Variants in DLC1 observed in about 807,000 individuals in gnomAD.
DLC1 encodes the protein DLC1 Rho GTPase activating protein, also known as rho GTPase-activating protein 7.
In DLC1, 54 loss-of-function variants were observed where a neutral mutation model predicts 140.3. The observed-to-expected ratio is 0.38, with a 90% CI of 0.31 to 0.48. The LOEUF (loss-of-function observed/expected upper bound fraction) is 0.48. Ranked by LOEUF, DLC1 falls within the 20% of genes least tolerant of loss-of-function variation. The pLI is 0.96. For synonymous variants in DLC1, 986 were observed against 728.1 expected, an observed-to-expected ratio of 1.35 and a Z score of -5.70; for missense variants, 2,536 against 1,907.0, an observed-to-expected ratio of 1.33 and a Z score of -6.14.
At chr8:13,523,595 G>A (rs993463962) in intron 1 of DLC1, among the ~76,000 whole-genome samples, 3 of 152,162 alleles carry the variant, frequency 2.0e-5, no homozygotes, top group African/African-American at 7.2e-5. Context: ...AGATTGACGA[G>A]AGGGTGTGTA....
chr8:13,589,503 T>A (rs1396624440), intron 1 of DLC1, among the ~76,000 whole-genome samples: 6 of 152,008 alleles, frequency 3.9e-5, no homozygotes, highest in Non-Finnish European at 7.4e-5. Flanking sequence ...TTGTGTTGAG[T>A]TCATTTTGCA....
chr8:13,421,321 C>A (rs2117346453), intron 2 of DLC1, among the ~76,000 whole-genome samples: 1 of 152,230 alleles, frequency 6.6e-6, no homozygotes, highest in South Asian at 2.1e-4. Context: ...TGTGTCTCTG[C>A]AACCCCTAAA....
chr8:13,493,461 C>A (rs900963888), intron 2 of DLC1, among the ~76,000 whole-genome samples: 1 of 152,044 alleles, frequency 6.6e-6, no homozygotes. Flanking sequence ...TTATGGGGCA[C>A]ATAGATGATG....
intron 5 of DLC1, among the ~76,000 whole-genome samples, chr8:13,158,749 C>CCCCCA (rs1563120844): frequency 9.8e-5 from 10 of 102,382 alleles, no homozygotes; most frequent in Non-Finnish European, 1.6e-4. Context: ...CCCCCCCCCG[C>CCCCCA]CCGCCACACA....
At chr8:13,566,635 C>A (rs1374742488) in intron 1 of DLC1, among the ~76,000 whole-genome samples, 1 of 152,224 alleles carries the variant, frequency 6.6e-6, no homozygotes, top group East Asian at 1.9e-4. Context: ...ACGTGTGCCA[C>A]CTGTCTGACC....
At chr8:13,445,600 A>G (rs1798741543) in intron 2 of DLC1, among the ~76,000 whole-genome samples, 1 of 152,188 alleles carries the variant, frequency 6.6e-6, no homozygotes, top group Admixed American at 6.5e-5. Flanking sequence ...CAGAAAAGCC[A>G]CAGTAATGAG....
chr8:13,499,940 C>T lies in DLC1; in HGVS notation c.132G>A (p.Met44Ile), dbSNP rs1331427692. 1.9e-6 allele frequency: 3 copies of T among 1,614,096 alleles called. No individual in the cohort carries two copies. The highest frequency in any genetic ancestry group is 2.5e-6 in the Non-Finnish European group (3 of 1,179,996). ...CCACATTTAGAGTTGCATCTTTTTCCATACTTGCCTGCAAGCTGTCAGCTA... is the reference window on the plus strand; with the variant it reads ...CCACATTTAGAGTTGCATCTTTTTCTATACTTGCCTGCAAGCTGTCAGCTA... ...GLVADSLQAS[M>I]EKDATLNVDR... The change falls in exon 2 of 18, where the codon ATG (methionine) becomes ATA (isoleucine). Residue 44 changes from methionine to isoleucine, a missense_variant. By Grantham distance (10) the Met-to-Ile change is conservative. Coordinates refer to ENST00000276297, the MANE Select transcript of DLC1 (RefSeq NM_182643.3).
intron 5 of DLC1, among the ~76,000 whole-genome samples, chr8:13,211,055 T>C (rs886401315): frequency 1.1e-4 from 16 of 152,180 alleles, no homozygotes; most frequent in Non-Finnish European, 1.5e-5. Context: ...AAACAGGATG[T>C]GGCAAAGAAA....
intron 1 of DLC1, among the ~76,000 whole-genome samples, chr8:13,512,433 CATTT>C (rs1482619471): frequency 7.2e-5 from 11 of 152,238 alleles, no homozygotes; most frequent in African/African-American, 2.6e-4. Flanking sequence ...GTTGTTCAGA[CATTT>C]ATTTATATAC....
At chr8:13,542,826 A>T (rs1281633048) in intron 1 of DLC1, among the ~76,000 whole-genome samples, 1 of 152,048 alleles carries the variant, frequency 6.6e-6, no homozygotes, top group Middle Eastern at 3.2e-3. Context: ...GTAATTTGAG[A>T]CATGGTTAAA....
At position 13,481,818 on chromosome 8, in the gene DLC1, T is replaced by C. The variant is rs559220673; in HGVS notation, c.1023+17231A>G. On this transcript the variant is annotated intron_variant, in intron 2 of 17. Transcript: ENST00000276297. ...TGTTGTGATGAGGTCATATTAGAGA[T>C]GGACAGGCCAGTATTCCAACTCAAC... is the stretch of plus-strand genomic sequence containing the variant. Among the ~76,000 whole-genome samples the C allele has an allele frequency of 3.9e-4, 59 of 152,242 alleles. No homozygotes were observed. In the South Asian group the frequency reaches 5.2e-3, roughly 13 times the overall value.
chr8:13,504,823 A>G (rs1801981763), intron 1 of DLC1, among the ~76,000 whole-genome samples: 1 of 152,160 alleles, frequency 6.6e-6, no homozygotes, highest in African/African-American at 2.4e-5. Flanking sequence ...AGCTAACCCC[A>G]AATTAAAAAA....
intron 2 of DLC1, among the ~76,000 whole-genome samples, chr8:13,431,482 CAAAAA>C (rs56057254): frequency 4.2e-4 from 17 of 40,592 alleles, no homozygotes; most frequent in South Asian, 1.5e-3. Flanking sequence ...GACTCCGTCT[CAAAAA>C]AAAAAAAAAA....
At chr8:13,166,918 GA>G (rs1825146168) in intron 5 of DLC1, among the ~76,000 whole-genome samples, 1 of 152,058 alleles carries the variant, frequency 6.6e-6, no homozygotes, top group African/African-American at 2.4e-5. Context: ...TATTTTTTTG[GA>G]GGTGGCAGAA....
chr8:13,105,653 C>T lies in DLC1; in HGVS notation c.1503-2800G>A, dbSNP rs141625175. On this transcript the variant is annotated intron_variant, in intron 7 of 17. Coordinates refer to ENST00000276297, the MANE Select transcript of DLC1 (RefSeq NM_182643.3). Reference sequence around the variant, plus strand: ...GCCCAGGCTGGAGTGCAGTGGCTCACTGCAACCTCCGCCTCCCCGTTTCAA... The same window carrying T: ...GCCCAGGCTGGAGTGCAGTGGCTCATTGCAACCTCCGCCTCCCCGTTTCAA... Among the ~76,000 whole-genome samples, 196 of 151,036 alleles carry T rather than the reference C, an allele frequency of 1.3e-3. 1 individual carries two copies. In the East Asian group the frequency reaches 0.026, roughly 20 times the overall value.
chr8:13,589,231 T>G (rs1346522617), intron 1 of DLC1, among the ~76,000 whole-genome samples: 2 of 152,098 alleles, frequency 1.3e-5, no homozygotes, highest in Admixed American at 1.3e-4. Context: ...TATGTATGCT[T>G]TTTTAATGTT....
At chr8:13,250,982 A>G (rs1436346733) in intron 5 of DLC1, among the ~76,000 whole-genome samples, 2 of 152,212 alleles carry the variant, frequency 1.3e-5, no homozygotes, top group Non-Finnish European at 2.9e-5. Context: ...CCATAACAGA[A>G]TGCCACAGAT....
At chr8:13,602,470 A>C (rs900806790) in intron 1 of DLC1, among the ~76,000 whole-genome samples, 1 of 151,818 alleles carries the variant, frequency 6.6e-6, no homozygotes, top group South Asian at 2.1e-4. Context: ...TTGGAGATGT[A>C]TACAATATCG....
intron 5 of DLC1, among the ~76,000 whole-genome samples, chr8:13,268,103 T>A (rs1394738234): frequency 2.0e-5 from 3 of 152,214 alleles, no homozygotes; most frequent in Admixed American, 1.3e-4. Flanking sequence ...CTTCCAATTT[T>A]AGTTCATTCT....
Sources: allele counts gnomAD v4.1 joint callset (sites outside exome capture counted in the v4.1 genomes callset), GRCh38; gene constraint gnomAD v4.1.1; transcripts MANE v1.5; gene names NCBI Gene and HGNC (gene_info 2026-07-23, HGNC 2026-07-21).